PCSK5: variants seen among roughly 807,000 people sequenced by gnomAD.
The protein encoded by PCSK5 is prohormone convertase 5.
Under a neutral mutation model 233.2 loss-of-function variants are expected in PCSK5, and 129 were observed. The observed-to-expected ratio is 0.55, with a 90% CI of 0.48 to 0.64. The LOEUF (loss-of-function observed/expected upper bound fraction) is 0.64, where lower values mean the gene tolerates loss of function less well. Ranked by LOEUF, PCSK5 falls within the 30% of genes least tolerant of loss-of-function variation. The pLI, the probability that PCSK5 is intolerant of heterozygous loss-of-function variation, is 0.00. For missense variants in PCSK5, 2,076 were observed against 2,430.1 expected, an observed-to-expected ratio of 0.85 and a Z score of 3.06; for synonymous variants, 825 against 879.2, an observed-to-expected ratio of 0.94 and a Z score of 1.09.
At chr9:76,063,378 G>T (rs1830110586) in intron 5 of PCSK5, among the ~76,000 whole-genome samples, 1 of 111,680 alleles carries the variant, frequency 9.0e-6, no homozygotes, top group Non-Finnish European at 1.8e-5. Context: ...TTCTCACAGA[G>T]GGGGATTTGG....
chr9:76,021,940 C>G (rs751361383), intron 3 of PCSK5, among the ~76,000 whole-genome samples: 1 of 152,164 alleles, frequency 6.6e-6, no homozygotes, highest in Non-Finnish European at 1.5e-5. Context: ...CCTACCCATC[C>G]TCTTTCTCTT....
chr9:76,189,689 C>T lies in PCSK5; in HGVS notation c.2569C>T (p.Pro857Ser), dbSNP rs1824272828. Residue 857 changes from proline to serine, a missense_variant, in exon 20 of 38, where the codon CCT (proline) becomes TCT (serine). Transcript: ENST00000674117. ...AGGATTCAAGAACTGTACAAGCTGC[C>T]CTAGTGGGTATCTCTTAGACTTAGG... ...GPGFKNCTSC[P>S]SGYLLDLGMC... 1.2e-6 allele frequency: 2 copies of T among 1,613,070 alleles called. No homozygotes were observed. Among genetic ancestry groups the T allele is most frequent in the Non-Finnish European group, 8.5e-7 (1 of 1,179,290 alleles).
chr9:76,274,682 G>T (rs917558263), intron 24 of PCSK5, among the ~76,000 whole-genome samples: 6 of 152,128 alleles, frequency 3.9e-5, no homozygotes, highest in African/African-American at 1.4e-4. Flanking sequence ...AAACCTATGT[G>T]ATATCTAGCT....
intron 20 of PCSK5, among the ~76,000 whole-genome samples, chr9:76,215,654 G>A (rs949272693): frequency 1.3e-5 from 2 of 152,178 alleles, no homozygotes; most frequent in Non-Finnish European, 2.9e-5. Context: ...AGGTGTGGTG[G>A]CTCATGCCTG....
chr9:76,184,603 A>C, intron 16 of PCSK5, 70 bp from the exon 17 acceptor site: 1 of 987,972 alleles, frequency 1.0e-6, no homozygotes, highest in Non-Finnish European at 1.6e-6. Context: ...AGCAAGCATT[A>C]GAACATCTCT....
intron 12 of PCSK5, 62 bp downstream of exon 12, chr9:76,159,233 G>A: frequency 1.4e-6 from 2 of 1,471,698 alleles, no homozygotes; most frequent in Non-Finnish European, 1.9e-6. Flanking sequence ...TATTCCTTAG[G>A]TAGAAGGGAA....
At chr9:76,098,504 C>T (rs970758624) in intron 8 of PCSK5, among the ~76,000 whole-genome samples, 13 of 152,186 alleles carry the variant, frequency 8.5e-5, no homozygotes, top group African/African-American at 2.4e-4. Context: ...TCCACTAGCA[C>T]GGAGTGACAT....
chr9:76,280,655 G>A (rs1827835266), intron 24 of PCSK5, among the ~76,000 whole-genome samples: 1 of 152,014 alleles, frequency 6.6e-6, no homozygotes, highest in Non-Finnish European at 1.5e-5. Flanking sequence ...AGGATTGCTT[G>A]ATCCCAGGAG....
At chr9:76,018,899 A>G (rs1828066434) in intron 3 of PCSK5, among the ~76,000 whole-genome samples, 1 of 152,196 alleles carries the variant, frequency 6.6e-6, no homozygotes, top group South Asian at 2.1e-4. Context: ...CCTTTCTCCA[A>G]CATCCGCGCC....
intron 24 of PCSK5, among the ~76,000 whole-genome samples, chr9:76,277,289 G>T (rs558246036): frequency 3.6e-4 from 55 of 152,002 alleles, no homozygotes; most frequent in Non-Finnish European, 7.4e-4. Flanking sequence ...AAGAATGAAG[G>T]CTTCAGAATA....
chr9:76,145,124 TAAAA>T (rs773262237), intron 10 of PCSK5, among the ~76,000 whole-genome samples: 2 of 151,832 alleles, frequency 1.3e-5, no homozygotes, highest in South Asian at 4.2e-4. Context: ...GACTCCATCT[TAAAA>T]AAAATAAGAT....
intron 7 of PCSK5, 40 bp downstream of exon 7, chr9:76,071,938 G>A (rs1830496332): frequency 1.3e-6 from 2 of 1,552,840 alleles, no homozygotes; most frequent in Non-Finnish European, 1.8e-6. Flanking sequence ...TGTGTGGATG[G>A]GTGATGATTC....
Position 76,240,702 on chromosome 9 carries a change from G to C in PCSK5, c.3142+18G>C. The C allele has an allele frequency of 6.5e-7, 1 of 1,539,494 alleles. No individual in the cohort carries two copies. The highest frequency in any genetic ancestry group is 8.9e-7 in the Non-Finnish European group (1 of 1,127,606). Reference sequence around the variant, plus strand: ...CAGCTTGGGTATGTCCTCTTCCTTTGTCACCTAAAGAGTTGAAATAGCTAA... The same window carrying C: ...CAGCTTGGGTATGTCCTCTTCCTTTCTCACCTAAAGAGTTGAAATAGCTAA... On this transcript the variant is annotated intron_variant, in intron 24 of 37. Coordinates refer to ENST00000674117, the MANE Select transcript of PCSK5 (RefSeq NM_001372043.1).
chr9:76,134,065 T>TC, intron 9 of PCSK5, 44 bp from the exon 10 acceptor site: 1 of 287,830 alleles, frequency 3.5e-6, no homozygotes, highest in South Asian at 6.5e-5. Flanking sequence ...TTCCCCCATC[T>TC]TTTTTTTTTT....
At chr9:76,153,542 T>A (rs1823760202) in intron 10 of PCSK5, among the ~76,000 whole-genome samples, 1 of 152,216 alleles carries the variant, frequency 6.6e-6, no homozygotes, top group Non-Finnish European at 1.5e-5. Context: ...TGCTCTGAAC[T>A]GGGTGTGAGA....
At position 76,310,819 on chromosome 9, in the gene PCSK5, C is replaced by T. The variant is rs1181475800; in HGVS notation, c.3852C>T (p.Leu1284=). The change falls in exon 30 of 38, where the codon CTC becomes CTT. Residue 1284 remains leucine (L), a synonymous_variant. Coordinates refer to ENST00000674117, the MANE Select transcript of PCSK5 (RefSeq NM_001372043.1). The part of the protein sequence containing the change: ...CQMQPGHPLF[L]HEGRCYSKCP... ...TGCAGCCGGGCCACCCTCTCTTCCTCCATGAAGGCAGGTGCTACTCCAAGT... is the reference window on the plus strand; with the variant it reads ...TGCAGCCGGGCCACCCTCTCTTCCTTCATGAAGGCAGGTGCTACTCCAAGT... The T allele has an allele frequency of 9.3e-6, 15 of 1,607,928 alleles. No homozygotes were observed. Among genetic ancestry groups the T allele is most frequent in the Middle Eastern group, 1.7e-4 (1 of 6,032 alleles).
intron 37 of PCSK5, among the ~76,000 whole-genome samples, chr9:76,354,950 T>C (rs2131530531): frequency 6.6e-6 from 1 of 152,360 alleles, no homozygotes; most frequent in African/African-American, 2.4e-5. Flanking sequence ...GATGTCAATA[T>C]TATCCTGATT....
chr9:76,264,551 A>C (rs1436978505), intron 24 of PCSK5, among the ~76,000 whole-genome samples: 1 of 152,132 alleles, frequency 6.6e-6, no homozygotes, highest in African/African-American at 2.4e-5. Flanking sequence ...CAGAATCTAC[A>C]AAGAACTTAA....
At chr9:76,175,261 G>C (rs62556590) in intron 14 of PCSK5, 132 bp downstream of exon 14, 50,982 of 683,138 alleles carry the variant, frequency 0.075, 4,213 homozygotes, top group East Asian at 0.37. Context: ...GGAATGGAAT[G>C]GAATGGAATG....
Sources: allele counts gnomAD v4.1 joint callset (sites outside exome capture counted in the v4.1 genomes callset), GRCh38; gene constraint gnomAD v4.1.1; transcripts MANE v1.5; gene names NCBI Gene and HGNC (gene_info 2026-07-23, HGNC 2026-07-21).